Variants in APOM observed in about 807,000 individuals in gnomAD.
The protein encoded by APOM is NG20-like protein.
APOM carries 24 observed loss-of-function variants against 23.5 expected under a neutral mutation model. The ratio of observed to expected loss-of-function variants is 1.02; its 90% CI spans 0.74 to 1.44. The LOEUF (loss-of-function observed/expected upper bound fraction) is 1.44. Among genes scored for constraint, APOM ranks in the 40% most tolerant of loss-of-function variants. The pLI is 0.00. For synonymous variants in APOM, 82 were observed against 84.1 expected, an observed-to-expected ratio of 0.97 and a Z score of 0.14; for missense variants, 200 against 233.2, an observed-to-expected ratio of 0.86 and a Z score of 0.93.
chr6:31,652,953 C>T (rs1798902787), upstream of APOM, among the ~76,000 whole-genome samples: 1 of 152,132 alleles, frequency 6.6e-6, no homozygotes. Flanking sequence ...TCTTCTCCAC[C>T]CTATTGCCCT....
At position 31,655,906 on chromosome 6, in the gene APOM, GC is replaced by G; in HGVS notation, c.-60del. 8.6e-7 allele frequency: 1 copy of G among 1,157,976 alleles called. No individual in the cohort carries two copies. Among genetic ancestry groups the G allele is most frequent in the Non-Finnish European group, 1.3e-6 (1 of 791,250 alleles). 71.7% of individuals were successfully genotyped at this position (1,157,976 alleles called of 1,614,324 possible). On this transcript the variant is annotated 5_prime_UTR_variant, in exon 1 of 6. Transcript: ENST00000375916. ...GGGAGCTGAAAGCAGAGTGGACTGA[GC>G]AGCCAGTAGGGGAGAGAGCAGTTAA...
At chr6:31,653,373 G>A (rs959732425), upstream of APOM, among the ~76,000 whole-genome samples, 2 of 152,168 alleles carry the variant, frequency 1.3e-5, no homozygotes, top group Non-Finnish European at 2.9e-5. Flanking sequence ...TCGGCCCCGC[G>A]AAACTGCGAG....
In APOM at chr6:31,655,945, A is replaced by C. The variant is rs1324487619; in HGVS notation, c.-22A>C. 16 of 1,526,718 alleles carry C rather than the reference A, an allele frequency of 1.0e-5. No homozygotes were observed. The highest frequency in any genetic ancestry group is 1.4e-5 in the Non-Finnish European group (16 of 1,115,954). 94.6% of individuals were successfully genotyped at this position (1,526,718 alleles called of 1,614,324 possible). ...AGAGAGCAGTTAAGGCACACAGAGC[A>C]CCAGCTCCCTCCTGCCTGAAGATGT... On this transcript the variant is annotated 5_prime_UTR_variant, in exon 1 of 6. Transcript: ENST00000375916.
Position 31,656,477 on chromosome 6 carries a change from A to T in APOM, c.120A>T (p.Pro40=). The T allele has an allele frequency of 6.2e-7, 1 of 1,614,026 alleles. No homozygotes were observed. Among genetic ancestry groups the T allele is most frequent in the Non-Finnish European group, 8.5e-7 (1 of 1,179,930 alleles). Residue 40 remains proline, a synonymous_variant, in exon 2 of 6, where the codon CCA becomes CCT. Coordinates refer to ENST00000375916, the MANE Select transcript of APOM (RefSeq NM_019101.3). ...TCCCTTCATTGTCTCTCCAGTTCCCAGAGGTCCACTTGGGCCAGTGGTACT... is the reference window on the plus strand; with the variant it reads ...TCCCTTCATTGTCTCTCCAGTTCCCTGAGGTCCACTTGGGCCAGTGGTACT... ...TTLGVDGKEF[P]EVHLGQWYFI...
upstream of APOM, among the ~76,000 whole-genome samples, chr6:31,655,013 C>A (rs1352801981): frequency 6.6e-6 from 1 of 152,230 alleles, no homozygotes; most frequent in Admixed American, 6.5e-5. Flanking sequence ...ACAATCAGGG[C>A]TCATTGCAGC....
upstream of APOM, among the ~76,000 whole-genome samples, chr6:31,655,027 G>A (rs868838666): frequency 3.9e-5 from 6 of 152,138 alleles, no homozygotes; most frequent in Non-Finnish European, 8.8e-5. Context: ...TTGCAGCCTC[G>A]ACATCCCAGG....
In APOM at chr6:31,658,115, A is replaced by G. The variant is rs1267582562; in HGVS notation, c.*26A>G. The G allele has an allele frequency of 1.9e-6, 3 of 1,612,900 alleles. No individual in the cohort carries two copies. The highest frequency in any genetic ancestry group is 2.5e-6 in the Non-Finnish European group (3 of 1,178,920). On this transcript the variant is annotated 3_prime_UTR_variant, in exon 6 of 6. Transcript: ENST00000375916. The stretch of plus-strand genomic sequence containing the variant: ...CCTGTAACTTCATCTAAGTCCCCAG[A>G]TGGGTACAATGGGAGCTGAGTTGTT...
chr6:31,657,405 C>A lies in APOM; in HGVS notation c.369C>A (p.Leu123=). 6.2e-7 allele frequency: 1 copy of A among 1,613,064 alleles called. No individual in the cohort carries two copies. Among genetic ancestry groups the A allele is most frequent in the East Asian group, 2.2e-5 (1 of 44,890 alleles). ...TEGRPDMKTE[L]FSSSCPGGIM... ...GCCGCCCTGACATGAAGACTGAGCT[C>A]TTTTCCAGCTCATGCCCAGGTGGAA... The change falls in exon 4 of 6, where the codon CTC becomes CTA. Residue 123 remains leucine, a synonymous_variant. Transcript: ENST00000375916.
In APOM at chr6:31,658,096, A is replaced by G; in HGVS notation, c.*7A>G. On this transcript the variant is annotated 3_prime_UTR_variant, in exon 6 of 6. Transcript: ENST00000375916. ...TGAGCTGTCCAATAACTGACCTGTA[A>G]CTTCATCTAAGTCCCCAGATGGGTA... 6.2e-7 allele frequency: 1 copy of G among 1,614,012 alleles called. No individual in the cohort carries two copies. Among genetic ancestry groups the G allele is most frequent in the African/African-American group, 1.3e-5 (1 of 74,990 alleles).
At chr6:31,655,184 G>A (rs576114367), upstream of APOM, among the ~76,000 whole-genome samples, 6 of 152,252 alleles carry the variant, frequency 3.9e-5, no homozygotes, top group East Asian at 3.9e-4. Flanking sequence ...CAAGCCATCC[G>A]CCCACCTTGG....
chr6:31,653,322 C>T (rs948869199), upstream of APOM, among the ~76,000 whole-genome samples: 1 of 152,182 alleles, frequency 6.6e-6, no homozygotes, highest in Non-Finnish European at 1.5e-5. Context: ...ATTACCGCCT[C>T]TCCGTGCCCT....
At chr6:31,656,665 C>G (rs368239443) in intron 2 of APOM, 39 bp downstream of exon 2, 14 of 1,600,266 alleles carry the variant, frequency 8.7e-6, no homozygotes, top group Non-Finnish European at 9.4e-6. Flanking sequence ...TGGGTTCAGT[C>G]TCTGCCCAAA....
upstream of APOM, chr6:31,652,706 TC>T (rs57734195): frequency 0.17 from 25,567 of 146,662 alleles, 2,307 homozygotes; most frequent in African/African-American, 0.2. Context: ...CCCCACCCCC[TC>T]CCCCCTCTGG....
chr6:31,654,745 C>A (rs1799853010), upstream of APOM, among the ~76,000 whole-genome samples: 2 of 152,134 alleles, frequency 1.3e-5, no homozygotes, highest in Admixed American at 1.3e-4. Flanking sequence ...ATTCTTACTG[C>A]CTATTATTTG....
upstream of APOM, chr6:31,652,803 C>T (rs1291854933): frequency 1.3e-5 from 2 of 152,572 alleles, no homozygotes; most frequent in African/African-American, 4.8e-5. Context: ...CCAGCTGGGA[C>T]TCTACCACTG....
upstream of APOM, among the ~76,000 whole-genome samples, chr6:31,653,755 C>T (rs1237731526): frequency 1.3e-5 from 2 of 152,136 alleles, no homozygotes; most frequent in African/African-American, 2.4e-5. Flanking sequence ...AATCACAACT[C>T]ACTGTAGCCT....
At chr6:31,654,891 T>C (rs1358764489), upstream of APOM, among the ~76,000 whole-genome samples, 1 of 152,212 alleles carries the variant, frequency 6.6e-6, no homozygotes, top group African/African-American at 2.4e-5. Flanking sequence ...TCCTATAAGA[T>C]TGATGATTTG....
rs1024985988 is a variant in APOM, at chr6:31,658,190, A to G, written c.*101A>G. On this transcript the variant is annotated 3_prime_UTR_variant, in exon 6 of 6. Transcript: ENST00000375916. ...GCTCCAGCTCCCACTCAAGATAATAAAGATAATTTTTCAATCCTCATCTCA... is the reference window on the plus strand; with the variant it reads ...GCTCCAGCTCCCACTCAAGATAATAGAGATAATTTTTCAATCCTCATCTCA... 2.2e-6 allele frequency: 3 copies of G among 1,375,878 alleles called. No individual in the cohort carries two copies. The African/African-American group carries it at 4.3e-5, about 20-fold the overall frequency. 85.2% of individuals were successfully genotyped at this position (1,375,878 alleles called of 1,614,324 possible).
chr6:31,658,007 T>C (rs2151147658), intron 5 of APOM, 57 bp from the exon 6 acceptor site: 2 of 1,588,306 alleles, frequency 1.3e-6, no homozygotes. Context: ...TACTATCAAC[T>C]TTGCTTTTCT....
Sources: gnomAD v4.1 joint callset for allele counts (sites outside exome capture counted in the v4.1 genomes callset) on GRCh38, gnomAD v4.1.1 for gene constraint, MANE v1.5 for transcripts, NCBI Gene and HGNC (gene_info 2026-07-23, HGNC 2026-07-21) for gene names.